The following ANKRD30BL variants were observed in gnomAD, a reference collection of about 807,000 sequenced individuals.
ANKRD30BL encodes the protein ankyrin repeat domain 30B like.
Under a neutral mutation model 18.4 loss-of-function variants are expected in ANKRD30BL, and 20 were observed. That is an observed-to-expected ratio of 1.09 (90% CI 0.77 to 1.58). The LOEUF (loss-of-function observed/expected upper bound fraction) is 1.58, where lower values mean the gene tolerates loss of function less well. Ranked by LOEUF, ANKRD30BL falls within the 40% of genes most tolerant of loss-of-function variation. ANKRD30BL has a pLI of 0.00. For synonymous variants in ANKRD30BL, 72 were observed against 100.9 expected (o/e 0.71, Z 1.72); for missense variants, 224 against 268.6 (o/e 0.83, Z 1.16).
chr2:132,188,064 A>G (rs1688601428), intron 1 of ANKRD30BL, among the ~76,000 whole-genome samples: 1 of 152,134 alleles, frequency 6.6e-6, no homozygotes, highest in Admixed American at 6.5e-5. Flanking sequence ...GATTTTTATT[A>G]GGGATGTCAT....
chr2:132,173,894 A>C (rs747181347), intron 1 of ANKRD30BL, among the ~76,000 whole-genome samples: 2 of 152,212 alleles, frequency 1.3e-5, no homozygotes, highest in African/African-American at 2.4e-5. Context: ...AAGAAGACTC[A>C]GGGAATTTAC....
At chr2:132,237,985 T>G (rs1353750743) in intron 1 of ANKRD30BL, among the ~76,000 whole-genome samples, 1 of 152,066 alleles carries the variant, frequency 6.6e-6, no homozygotes, top group Non-Finnish European at 1.5e-5. Flanking sequence ...GACAGAAGCA[T>G]TCTCAGAAAC....
At chr2:132,165,089 A>G (rs1232148143), upstream of ANKRD30BL, among the ~76,000 whole-genome samples, 1 of 108,518 alleles carries the variant, frequency 9.2e-6, no homozygotes, top group East Asian at 3.2e-4. Context: ...AAAAACAAAC[A>G]AAAAAAAACG....
At chr2:132,240,910 T>TC (rs1680299624) in intron 1 of ANKRD30BL, among the ~76,000 whole-genome samples, 1 of 151,704 alleles carries the variant, frequency 6.6e-6, no homozygotes, top group East Asian at 1.9e-4. Flanking sequence ...ATTGAACCTT[T>TC]CTTTTGATAC....
At chr2:132,149,140 T>G (rs1439802987) in intron 5 of ANKRD30BL, among the ~76,000 whole-genome samples, 1 of 152,268 alleles carries the variant, frequency 6.6e-6, no homozygotes, top group African/African-American at 2.4e-5. Flanking sequence ...AAATTAAAGA[T>G]GTGCTCATAC....
At chr2:132,183,055 T>C (rs1445626031) in intron 1 of ANKRD30BL, among the ~76,000 whole-genome samples, 1 of 152,112 alleles carries the variant, frequency 6.6e-6, no homozygotes, top group Admixed American at 6.5e-5. Flanking sequence ...GAAGGTTCTA[T>C]TGTTTAGAAA....
intron 1 of ANKRD30BL, among the ~76,000 whole-genome samples, chr2:132,182,615 A>T (rs1688489186): frequency 6.6e-6 from 1 of 152,208 alleles, no homozygotes; most frequent in Non-Finnish European, 1.5e-5. Context: ...TAAGTTAGGG[A>T]TGGATACAAA....
intron 1 of ANKRD30BL, among the ~76,000 whole-genome samples, chr2:132,179,919 T>G (rs538936151): frequency 1.1e-4 from 17 of 152,322 alleles, no homozygotes; most frequent in African/African-American, 4.1e-4. Context: ...ATGATATTTT[T>G]TGAAGTTGTA....
chr2:132,231,122 A>G (rs558951766), intron 1 of ANKRD30BL, among the ~76,000 whole-genome samples: 53 of 150,446 alleles, frequency 3.5e-4, no homozygotes, highest in Non-Finnish European at 4.1e-4. Context: ...ACATTTGGAG[A>G]GATTTGAGGC....
chr2:132,249,596 A>T (rs1045015997), intron 1 of ANKRD30BL, among the ~76,000 whole-genome samples: 1 of 150,858 alleles, frequency 6.6e-6, no homozygotes. Context: ...TGTACACATC[A>T]AAAAAAAAGT....
chr2:132,150,324 T>C lies in ANKRD30BL; in HGVS notation c.679+588A>G, dbSNP rs185406005. 3.9e-4 allele frequency among the ~76,000 whole-genome samples: 59 copies of C among 151,944 alleles called. 3 individuals are homozygous for C. The highest frequency in any genetic ancestry group is 3.7e-3 in the Admixed American group (56 of 15,264). ...AACAAATATTTGTTTATTTAACAGT[T>C]TATTTAACTGTGTTTCTTTATAGGT... On this transcript the variant is annotated intron_variant, in intron 5 of 5. Transcript: ENST00000409867.
At chr2:132,238,282 C>A (rs1223469332) in intron 1 of ANKRD30BL, among the ~76,000 whole-genome samples, 5 of 151,776 alleles carry the variant, frequency 3.3e-5, no homozygotes, top group Non-Finnish European at 5.9e-5. Flanking sequence ...ATTTGGATTT[C>A]TTTGGAAACA....
chr2:132,151,403 T>G (rs1386996284), intron 4 of ANKRD30BL, among the ~76,000 whole-genome samples: 1 of 152,078 alleles, frequency 6.6e-6, no homozygotes, highest in East Asian at 1.9e-4. Flanking sequence ...ATGCTTAAAA[T>G]AAAAAATGAA....
chr2:132,153,444 A>T (rs1260923045), intron 4 of ANKRD30BL: 1 of 439,412 alleles, frequency 2.3e-6, no homozygotes, highest in Non-Finnish European at 4.7e-6. Flanking sequence ...CCTTCTAACT[A>T]GTCAGCTTTT....
At chr2:132,238,423 C>A (rs1181228721) in intron 1 of ANKRD30BL, among the ~76,000 whole-genome samples, 1 of 151,724 alleles carries the variant, frequency 6.6e-6, no homozygotes, top group South Asian at 2.1e-4. Flanking sequence ...AGCTTTGATG[C>A]CTTCTCTGGG....
At chr2:132,159,828 C>T (rs1370881474) in intron 1 of ANKRD30BL, among the ~76,000 whole-genome samples, 1 of 152,074 alleles carries the variant, frequency 6.6e-6, no homozygotes, top group Non-Finnish European at 1.5e-5. Flanking sequence ...AAAAATGTAC[C>T]TGTGTAAATA....
At chr2:132,170,885 G>A (rs1399831458) in intron 1 of ANKRD30BL, among the ~76,000 whole-genome samples, 1 of 152,110 alleles carries the variant, frequency 6.6e-6, no homozygotes, top group Non-Finnish European at 1.5e-5. Flanking sequence ...AGGCCGAGCC[G>A]GTGGCTCACG....
chr2:132,183,825 A>G (rs1463660151), intron 1 of ANKRD30BL, among the ~76,000 whole-genome samples: 1 of 151,946 alleles, frequency 6.6e-6, no homozygotes, highest in Non-Finnish European at 1.5e-5. Context: ...TCTTCGTGGG[A>G]TGTAATTCTC....
chr2:132,199,319 C>G (rs1316688465), intron 1 of ANKRD30BL, among the ~76,000 whole-genome samples: 2 of 152,078 alleles, frequency 1.3e-5, no homozygotes, highest in African/African-American at 4.8e-5. Flanking sequence ...AAGGATGCGC[C>G]ACTGCACTGC....
Sources: gnomAD v4.1 joint callset for allele counts (sites outside exome capture counted in the v4.1 genomes callset) on GRCh38, gnomAD v4.1.1 for gene constraint, MANE v1.5 for transcripts, NCBI Gene and HGNC (gene_info 2026-07-23, HGNC 2026-07-21) for gene names.